FMNL3: variants seen among roughly 807,000 people sequenced by gnomAD.
FMNL3 encodes the protein formin like 3.
A neutral mutation model predicts 119.6 loss-of-function variants in FMNL3; 57 were observed. The ratio of observed to expected loss-of-function variants is 0.48; its 90% CI spans 0.39 to 0.59. The LOEUF is 0.59. FMNL3 is among the 20% of genes least tolerant of loss of function. The pLI is 0.00. For synonymous variants in FMNL3, 491 were observed against 507.3 expected (o/e 0.97, Z 0.43); for missense variants, 1,053 against 1,323.5 (o/e 0.80, Z 3.17).
chr12:49,659,829 C>T, intron 5 of FMNL3: 1 of 985,408 alleles, frequency 1.0e-6, no homozygotes. Flanking sequence ...AGAAACAGTC[C>T]CTCTCCTCCT....
At position 49,707,394 on chromosome 12, in the gene FMNL3, G is replaced by A. The variant is rs963283544; in HGVS notation, c.-214C>T. ...TAGCGGACAGCCGCACCGAAGCAAG[G>A]CGGACGGAGGCGGCCGGCTCTTGCT... On this transcript the variant is annotated 5_prime_UTR_variant, in exon 1 of 26. Coordinates refer to ENST00000335154, the MANE Select transcript of FMNL3 (RefSeq NM_175736.5). 5.4e-5 allele frequency: 20 copies of A among 368,588 alleles called. No homozygotes were observed. The highest frequency in any genetic ancestry group is 9.6e-5 in the Non-Finnish European group (20 of 208,346). 22.8% of individuals were successfully genotyped at this position (368,588 alleles called of 1,614,324 possible).
At chr12:49,662,976 C>T (rs1204655007) in intron 4 of FMNL3, among the ~76,000 whole-genome samples, 1 of 152,178 alleles carries the variant, frequency 6.6e-6, no homozygotes, top group East Asian at 1.9e-4. Flanking sequence ...TCCCAAACTG[C>T]CCTGCGGGGC....
intron 1 of FMNL3, among the ~76,000 whole-genome samples, chr12:49,697,139 AT>A (rs1014945879): frequency 2.6e-5 from 4 of 152,250 alleles, no homozygotes; most frequent in Non-Finnish European, 5.9e-5. Context: ...TTCCCAACTT[AT>A]AAAAACTTTT....
At position 49,643,517 on chromosome 12, in the gene FMNL3, G is replaced by T. The variant is rs1592626236; in HGVS notation, c.*2298C>A. Reference sequence around the variant, plus strand: ...GATTGGGAGGGCTGCACCTGTGGAAGTAGAAAGAACTTCCTCTACCTGCCC... The same window carrying T: ...GATTGGGAGGGCTGCACCTGTGGAATTAGAAAGAACTTCCTCTACCTGCCC... On this transcript the variant is annotated 3_prime_UTR_variant, in exon 26 of 26. Transcript: ENST00000335154. 3 of 1,417,208 alleles carry T rather than the reference G, an allele frequency of 2.1e-6. No homozygotes were observed. The highest frequency in any genetic ancestry group is 2.3e-5 in the East Asian group (1 of 42,908). 87.8% of individuals were successfully genotyped at this position (1,417,208 alleles called of 1,614,324 possible). A position where few individuals can be genotyped will look rare whatever the true frequency, so the allele number is the denominator to read the frequency against.
At position 49,643,786 on chromosome 12, in the gene FMNL3, A is replaced by G. The variant is rs755024495; in HGVS notation, c.*2029T>C. 1 of 1,613,664 alleles carries G rather than the reference A, an allele frequency of 6.2e-7. No homozygotes were observed. Among genetic ancestry groups the G allele is most frequent in the South Asian group, 1.1e-5 (1 of 91,026 alleles). ...AGGAACTTCTACCTAAGCCCCTGCT[A>G]TTTTGTGAGTTCTGTTCTACCTGCC... On this transcript the variant is annotated 3_prime_UTR_variant, in exon 26 of 26. Coordinates refer to ENST00000335154, the MANE Select transcript of FMNL3 (RefSeq NM_175736.5).
chr12:49,695,275 T>G (rs1018222112), intron 1 of FMNL3, among the ~76,000 whole-genome samples: 1 of 152,158 alleles, frequency 6.6e-6, no homozygotes, highest in Admixed American at 6.5e-5. Context: ...GGTAACTAAC[T>G]AGTGTTATCG....
At position 49,649,176 on chromosome 12, in the gene FMNL3, G is replaced by A; in HGVS notation, c.2386-18C>T. Reference sequence around the variant, plus strand: ...TCCAGCAGCTAGGAGAGGGGGTGAGGGCGGTGCACAAGAGCTAAGCACTCT... The same window carrying A: ...TCCAGCAGCTAGGAGAGGGGGTGAGAGCGGTGCACAAGAGCTAAGCACTCT... On this transcript the variant is annotated intron_variant, in intron 20 of 25. Transcript: ENST00000335154. This position sits in a 1 kb window ranked among gnomAD's most constrained non-coding sequence, Gnocchi z 5.6. 1.2e-6 allele frequency: 2 copies of A among 1,612,124 alleles called. No homozygotes were observed. The highest frequency in any genetic ancestry group is 1.7e-6 in the Non-Finnish European group (2 of 1,178,966).
At chr12:49,671,971 C>A (rs1049700169) in intron 1 of FMNL3, among the ~76,000 whole-genome samples, 1 of 152,140 alleles carries the variant, frequency 6.6e-6, no homozygotes, top group African/African-American at 2.4e-5. Flanking sequence ...CATCCATAAA[C>A]GAGATAATCT....
intron 2 of FMNL3, among the ~76,000 whole-genome samples, chr12:49,667,653 G>A (rs1378989449): frequency 1.3e-5 from 2 of 152,138 alleles, no homozygotes; most frequent in Admixed American, 6.6e-5. Context: ...AGGGTTCTGT[G>A]ATGATTAAAT....
rs1411610862 is a variant in FMNL3 at position 49,653,347 on chromosome 12, G to A, written c.1222-20C>T. ...TGTGAGCTGCACAACAGGAAGGGCA[G>A]GTTCTGTGCTGGCCCTAAAGCCTGG... On this transcript the variant is annotated intron_variant, in intron 12 of 25. Coordinates refer to ENST00000335154, the MANE Select transcript of FMNL3 (RefSeq NM_175736.5). 1 of 1,611,928 alleles carries A rather than the reference G, an allele frequency of 6.2e-7. No individual in the cohort carries two copies.
chr12:49,637,029 C>T lies in FMNL3; in HGVS notation c.*8786G>A. The T allele has an allele frequency of 3.3e-6, 3 of 921,680 alleles. No individual in the cohort carries two copies. The South Asian group carries it at 5.0e-5, about 15-fold the overall frequency. The allele number at this position is 921,680 out of a possible 1,614,324, so 57.1% of individuals were successfully genotyped here. A position where few individuals can be genotyped will look rare whatever the true frequency, so the allele number is the denominator to read the frequency against. ...TCTGCTGTACCTCCTCAATTCTGGA[C>T]TGTGCTCTTCTAGGGAGACTAGATG... On this transcript the variant is annotated 3_prime_UTR_variant, in exon 26 of 26. Transcript: ENST00000335154.
intron 6 of FMNL3, 35 bp downstream of exon 6, chr12:49,658,407 T>G: frequency 6.5e-7 from 1 of 1,541,596 alleles, no homozygotes; most frequent in Non-Finnish European, 8.8e-7. Flanking sequence ...AAGGGTAGGG[T>G]GGGAGGCAGG....
chr12:49,651,995 T>A lies in FMNL3; in HGVS notation c.1541A>T (p.Glu514Val). 1 of 1,606,078 alleles carries A rather than the reference T, an allele frequency of 6.2e-7. No individual in the cohort carries two copies. The highest frequency in any genetic ancestry group is 8.5e-7 in the Non-Finnish European group (1 of 1,176,274). The stretch of plus-strand genomic sequence containing the variant: ...TGGTGGTGGAGGAAGAGGCAGGACC[T>A]CCTCAGGGGGTGGGGCTGGAGCCAG... ...DLLAPAPPPE[E>V]VLPLPPPPAP... Residue 514 changes from glutamate to valine, a missense_variant, in exon 14 of 26, where the codon GAG becomes GTG. Around this residue, in one of 4 missense-constraint regions of FMNL3, gnomAD observed 445 missense variants for 628.4 expected, o/e 0.71. Coordinates refer to ENST00000335154, the MANE Select transcript of FMNL3 (RefSeq NM_175736.5).
In FMNL3 at chr12:49,650,677, T is replaced by C. The variant is rs780692868; in HGVS notation, c.1999A>G (p.Thr667Ala). 2 of 1,612,798 alleles carry C rather than the reference T, an allele frequency of 1.2e-6. No individual in the cohort carries two copies. The highest frequency in any genetic ancestry group is 2.7e-5 in the African/African-American group (2 of 74,882). ...SAEEICRAIHTFDLQTLPVDF... is the reference protein window; with the variant it reads ...SAEEICRAIHAFDLQTLPVDF... ...GAGCCAGGTCAGTGGGAGCCTCACG[T>C]ATGAATGGCCCTGCAGATCTCCTCA... The change falls in exon 17 of 26, where the codon ACG becomes GCG. Residue 667 changes from threonine (T) to alanine (A), a missense_variant and splice_region_variant. Around this residue, in one of 4 missense-constraint regions of FMNL3, gnomAD observed 445 missense variants for 628.4 expected, o/e 0.71. Coordinates refer to ENST00000335154, the MANE Select transcript of FMNL3 (RefSeq NM_175736.5).
intron 13 of FMNL3, among the ~76,000 whole-genome samples, chr12:49,652,820 G>A (rs1315200461): frequency 6.6e-6 from 1 of 152,168 alleles, no homozygotes; most frequent in East Asian, 1.9e-4. Context: ...AAGAGTACCT[G>A]CCCTGCCAAT....
intron 1 of FMNL3, among the ~76,000 whole-genome samples, chr12:49,677,863 TTTA>T (rs1429390951): frequency 6.6e-6 from 1 of 152,142 alleles, no homozygotes; most frequent in Admixed American, 6.5e-5. Context: ...CAGGATTTAT[TTTA>T]TTATTATTAT....
In FMNL3 at chr12:49,656,505, G is replaced by A; in HGVS notation, c.792-8C>T. Reference sequence around the variant, plus strand: ...AAGACAAGGGCTTTGGTCCTAAGGGGTGAAGAAGGAAGATTAACACCCTAA... The same window carrying A: ...AAGACAAGGGCTTTGGTCCTAAGGGATGAAGAAGGAAGATTAACACCCTAA... On this transcript the variant is annotated splice_region_variant and splice_polypyrimidine_tract_variant and intron_variant, in intron 8 of 25. Coordinates refer to ENST00000335154, the MANE Select transcript of FMNL3 (RefSeq NM_175736.5). 23 of 1,612,246 alleles carry A rather than the reference G, an allele frequency of 1.4e-5. No homozygotes were observed. The highest frequency in any genetic ancestry group is 1.8e-5 in the Non-Finnish European group (21 of 1,179,108).
At chr12:49,651,129 G>A (rs1356929335) in intron 16 of FMNL3, 39 bp downstream of exon 16, 4 of 1,600,558 alleles carry the variant, frequency 2.5e-6, no homozygotes, top group African/African-American at 2.7e-5. Context: ...CAGGTCCCTA[G>A]CCCTCAACCT....
In FMNL3 at chr12:49,653,344, G is replaced by A. The variant is rs1184695178; in HGVS notation, c.1222-17C>T. On this transcript the variant is annotated splice_polypyrimidine_tract_variant and intron_variant, in intron 12 of 25. Coordinates refer to ENST00000335154, the MANE Select transcript of FMNL3 (RefSeq NM_175736.5). ...CTCTGTGAGCTGCACAACAGGAAGG[G>A]CAGGTTCTGTGCTGGCCCTAAAGCC... 6.2e-7 allele frequency: 1 copy of A among 1,612,830 alleles called. No individual in the cohort carries two copies. Among genetic ancestry groups the A allele is most frequent in the Non-Finnish European group, 8.5e-7 (1 of 1,179,342 alleles).
Sources: gnomAD v4.1 joint callset for allele counts (sites outside exome capture counted in the v4.1 genomes callset) on GRCh38, gnomAD v4.1.1 for gene constraint, gnomAD v4.1.1 regional missense constraint, Gnocchi (gnomAD v3.1) non-coding constraint, MANE v1.5 for transcripts, NCBI Gene and HGNC (gene_info 2026-07-23, HGNC 2026-07-21) for gene names.